The following ADAMTS2 variants were observed in gnomAD, a reference collection of about 807,000 sequenced individuals.
ADAMTS2 encodes the protein ADAM metallopeptidase with thrombospondin type 1 motif 2, also known as A disintegrin and metalloproteinase with thrombospondin motifs 2.
A neutral mutation model predicts 123.0 loss-of-function variants in ADAMTS2; 50 were observed. The ratio of observed to expected loss-of-function variants is 0.41; its 90% CI spans 0.32 to 0.51. The LOEUF (loss-of-function observed/expected upper bound fraction) is 0.51, where lower values mean the gene tolerates loss of function less well. Ranked by LOEUF, ADAMTS2 falls within the 20% of genes least tolerant of loss-of-function variation. The pLI is 0.35. For synonymous variants in ADAMTS2, 678 were observed against 695.4 expected (o/e 0.98, Z 0.39); for missense variants, 1,494 against 1,705.2 (o/e 0.88, Z 2.18).
Position 179,181,112 on chromosome 5 carries a change from T to C in ADAMTS2, c.935A>G (p.Asn312Ser), listed in dbSNP as rs528367185. The C allele has an allele frequency of 1.5e-4, 242 of 1,614,018 alleles. No individual in the cohort carries two copies. The highest frequency in any genetic ancestry group is 9.8e-4 in the Admixed American group (59 of 60,026). The change falls in exon 5 of 22, where the codon AAC (asparagine) becomes AGC (serine). Residue 312 changes from asparagine to serine, a missense_variant. By Grantham distance (46) the Asn-to-Ser change is conservative. Around this residue, in one of 6 missense-constraint regions of ADAMTS2, gnomAD observed 70 missense variants for 85.3 expected, o/e 0.82. Coordinates refer to ENST00000251582, the MANE Select transcript of ADAMTS2 (RefSeq NM_014244.5). The surrounding 1 kb of genome is among the most constrained non-coding windows in gnomAD (Gnocchi z 4.1). ...GAGGATGATCCGCACCAGGACCACG[T>C]TGATGTGGGCACCCAAGGACTCGTC... is the stretch of plus-strand genomic sequence containing the variant. ...YHDESLGAHI[N>S]VVLVRIILLS...
intron 4 of ADAMTS2, among the ~76,000 whole-genome samples, chr5:179,198,074 G>C (rs772999159): frequency 6.6e-6 from 1 of 152,162 alleles, no homozygotes; most frequent in Non-Finnish European, 1.5e-5. Context: ...GCAGCACCCA[G>C]TACTTCAGGG....
At chr5:179,292,720 C>A (rs554582068) in intron 2 of ADAMTS2, among the ~76,000 whole-genome samples, 1 of 152,220 alleles carries the variant, frequency 6.6e-6, no homozygotes, top group Non-Finnish European at 1.5e-5. Context: ...AGGTGACTCT[C>A]TCTCCTTGCA....
chr5:179,318,402 G>A (rs1483408109), intron 2 of ADAMTS2, among the ~76,000 whole-genome samples: 2 of 152,186 alleles, frequency 1.3e-5, no homozygotes, highest in Non-Finnish European at 2.9e-5. Flanking sequence ...ACAGGGGATG[G>A]GGAGAGAAGG....
chr5:179,342,602 G>A (rs759865184), intron 2 of ADAMTS2, among the ~76,000 whole-genome samples: 1 of 152,258 alleles, frequency 6.6e-6, no homozygotes, highest in East Asian at 1.9e-4. Context: ...GAGTACGGGC[G>A]TGCTCAGGGG....
chr5:179,199,557 G>A (rs1353471591), intron 4 of ADAMTS2, among the ~76,000 whole-genome samples: 2 of 152,192 alleles, frequency 1.3e-5, no homozygotes, highest in Admixed American at 1.3e-4. Context: ...GCCCTGGCCA[G>A]GGCACAGCCA....
Position 179,130,060 on chromosome 5 carries a change from C to A in ADAMTS2, c.2329G>T (p.Glu777Ter). The A allele has an allele frequency of 6.2e-7, 1 of 1,614,160 alleles. No homozygotes were observed. Among genetic ancestry groups the A allele is most frequent in the Non-Finnish European group, 8.5e-7 (1 of 1,180,038 alleles). The change falls in exon 16 of 22, where the codon GAA becomes TAA. Residue 777 changes from glutamate to a stop codon, truncating the protein, a stop_gained. Coordinates refer to ENST00000251582, the MANE Select transcript of ADAMTS2 (RefSeq NM_014244.5). LOFTEE classifies it high-confidence loss of function. This position sits in a 1 kb window ranked among gnomAD's most constrained non-coding sequence, Gnocchi z 4.3. ...GAACTGGCATCCACGTCATTCTCTTCATTTAAGATGAACTTGCCTGTCTCC... is the reference window on the plus strand; with the variant it reads ...GAACTGGCATCCACGTCATTCTCTTAATTTAAGATGAACTTGCCTGTCTCC... ...NLETGKFILN[E>*]ENDVDASSKT...
chr5:179,154,306 G>A, intron 7 of ADAMTS2, 114 bp from the exon 8 acceptor site: 1 of 1,454,298 alleles, frequency 6.9e-7, no homozygotes, highest in Non-Finnish European at 9.3e-7. Context: ...TCCTGACCTT[G>A]GCCCACTCTG....
intron 9 of ADAMTS2, among the ~76,000 whole-genome samples, chr5:179,152,919 T>A (rs913715968): frequency 6.6e-6 from 1 of 152,146 alleles, no homozygotes; most frequent in Non-Finnish European, 1.5e-5. Context: ...CGGGTCTCTG[T>A]TTCCTCATCT....
intron 4 of ADAMTS2, among the ~76,000 whole-genome samples, chr5:179,201,493 G>A (rs1764562400): frequency 6.6e-6 from 1 of 151,808 alleles, no homozygotes; most frequent in Non-Finnish European, 1.5e-5. Flanking sequence ...ATTTTACATA[G>A]CAAAAAAAAT....
intron 2 of ADAMTS2, among the ~76,000 whole-genome samples, chr5:179,325,794 C>T (rs972067666): frequency 6.6e-6 from 1 of 152,268 alleles, no homozygotes; most frequent in African/African-American, 2.4e-5. Context: ...TGGCCCCAGC[C>T]GCTTCTGCCC....
At chr5:179,184,761 A>C (rs1015235581) in intron 4 of ADAMTS2, among the ~76,000 whole-genome samples, 1 of 151,992 alleles carries the variant, frequency 6.6e-6, no homozygotes, top group Non-Finnish European at 1.5e-5. Flanking sequence ...TGAGGCTGGC[A>C]CCCAGCAGAC....
At chr5:179,252,009 C>CTTTTTTTTTTTTTTTT (rs200457965) in intron 3 of ADAMTS2, among the ~76,000 whole-genome samples, 1 of 135,774 alleles carries the variant, frequency 7.4e-6, no homozygotes, top group African/African-American at 2.7e-5. Flanking sequence ...TTTTTCTTTT[C>CTTTTTTTTTTTTTTTT]TTTTTTTTTT....
Position 179,189,815 on chromosome 5 carries a change from A to AG in ADAMTS2, c.892-8661dup, listed in dbSNP as rs1764263278. Among the ~76,000 whole-genome samples the AG allele has an allele frequency of 7.7e-6, 1 of 129,276 alleles. No individual in the cohort carries two copies. The highest frequency in any genetic ancestry group is 3.0e-5 in the African/African-American group (1 of 32,974). The allele number at this position is 129,276 out of a possible 152,430, so 84.8% of individuals were successfully genotyped here. On this transcript the variant is annotated intron_variant, in intron 4 of 21. Transcript: ENST00000251582. This position sits in a 1 kb window ranked among gnomAD's most constrained non-coding sequence, Gnocchi z 4.2. Reference sequence around the variant, plus strand: ...AAGAATATTACTAAGTATCTTCTTAAGTTGGGGGGAGAGAATATTACAAAG... The same window carrying AG: ...AAGAATATTACTAAGTATCTTCTTAAGGTTGGGGGGAGAGAATATTACAAAG...
At chr5:179,154,988 C>T (rs1763441622) in intron 6 of ADAMTS2, 69 bp from the exon 7 acceptor site, 21 of 1,361,752 alleles carry the variant, frequency 1.5e-5, no homozygotes, top group Middle Eastern at 2.3e-4. Flanking sequence ...CCTGGCCTAA[C>T]TCCCAGGCGC....
chr5:179,234,453 C>T lies in ADAMTS2; in HGVS notation c.689-26738G>A, dbSNP rs749137584. 2.6e-5 allele frequency among the ~76,000 whole-genome samples: 4 copies of T among 152,122 alleles called. No individual in the cohort carries two copies. The highest frequency in any genetic ancestry group is 6.5e-5 in the Admixed American group (1 of 15,282). Reference sequence around the variant, plus strand: ...TGCAGGGCTTCACCCTCGCTCTCCTCTCTGCCTGCTCCACACCTGCTGCTT... The same window carrying T: ...TGCAGGGCTTCACCCTCGCTCTCCTTTCTGCCTGCTCCACACCTGCTGCTT... On this transcript the variant is annotated intron_variant, in intron 3 of 21. Transcript: ENST00000251582. This position sits in a 1 kb window ranked among gnomAD's most constrained non-coding sequence, Gnocchi z 4.7.
At chr5:179,206,048 C>T (rs934474756) in intron 4 of ADAMTS2, among the ~76,000 whole-genome samples, 22 of 152,132 alleles carry the variant, frequency 1.4e-4, no homozygotes, top group Non-Finnish European at 2.9e-4. Flanking sequence ...CGTGAGCCAC[C>T]GCACCCGGCC....
In ADAMTS2 at chr5:179,130,337, T is replaced by C. The variant is rs1268609067; in HGVS notation, c.2291-239A>G. On this transcript the variant is annotated intron_variant, in intron 15 of 21. Transcript: ENST00000251582. This position sits in a 1 kb window ranked among gnomAD's most constrained non-coding sequence, Gnocchi z 4.3. ...TCGCATCCTCTGCCCCCACCAGCCC[T>C]GGAGGTGCCGGCTCCCCTTGGAAGC... Among the ~76,000 whole-genome samples the C allele has an allele frequency of 6.6e-6, 1 of 152,132 alleles. No individual in the cohort carries two copies. Among genetic ancestry groups the C allele is most frequent in the African/African-American group, 2.4e-5 (1 of 41,440 alleles).
chr5:179,281,124 C>T (rs1169636199), intron 2 of ADAMTS2, among the ~76,000 whole-genome samples: 2 of 152,234 alleles, frequency 1.3e-5, no homozygotes, highest in East Asian at 3.8e-4. Context: ...TCACAAAGTG[C>T]TGGGATTACA....
chr5:179,134,610 T>A (rs1484832892), intron 13 of ADAMTS2, among the ~76,000 whole-genome samples: 1 of 152,208 alleles, frequency 6.6e-6, no homozygotes, highest in Non-Finnish European at 1.5e-5. Context: ...AGACACCACC[T>A]GTTCTTGTTT....
Sources: gnomAD v4.1 joint callset for allele counts (sites outside exome capture counted in the v4.1 genomes callset) on GRCh38, gnomAD v4.1.1 for gene constraint, gnomAD v4.1.1 regional missense constraint, Gnocchi (gnomAD v3.1) non-coding constraint, MANE v1.5 for transcripts, NCBI Gene and HGNC (gene_info 2026-07-23, HGNC 2026-07-21) for gene names.